Variants in CHD6 observed in about 807,000 individuals in gnomAD.
The protein encoded by CHD6 is ATP-dependent chromatin remodeler CHD6.
CHD6 carries 50 observed loss-of-function variants against 276.9 expected under a neutral mutation model. The observed-to-expected ratio is 0.18, with a 90% confidence interval of 0.14 to 0.23. The LOEUF (loss-of-function observed/expected upper bound fraction) is 0.23. Ranked by LOEUF, CHD6 falls within the 10% of genes least tolerant of loss-of-function variation. The pLI, the probability that CHD6 is intolerant of heterozygous loss-of-function variation, is 1.00. For missense variants in CHD6, 2,564 were observed against 3,365.8 expected (o/e 0.76, Z 5.89); for synonymous variants, 1,173 against 1,229.3 (o/e 0.95, Z 0.96).
At chr20:41,556,345 A>T (rs1409448480) in intron 1 of CHD6, among the ~76,000 whole-genome samples, 124 of 77,372 alleles carry the variant, frequency 1.6e-3, no homozygotes, top group African/African-American at 5.2e-3. Context: ...TTTTTTTTTG[A>T]GACAGTCTCC....
At chr20:41,487,955 G>A in intron 13 of CHD6, 147 bp from the exon 14 acceptor site, 1 of 746,994 alleles carries the variant, frequency 1.3e-6, no homozygotes, top group Non-Finnish European at 2.1e-6. Context: ...CATCATAGGG[G>A]TACAGTCAAT....
rs1486302216 is a variant in CHD6 at position 41,514,792 on chromosome 20, G to C, written c.702+13C>G. The C allele has an allele frequency of 1.2e-6, 2 of 1,612,524 alleles. No homozygotes were observed. The highest frequency in any genetic ancestry group is 2.7e-5 in the African/African-American group (2 of 74,836). The stretch of plus-strand genomic sequence containing the variant: ...GCCGTAATCTCCACCAGGCCTCCCG[G>C]TCACAGCTGTACCTGGCTGTCTGTA... On this transcript the variant is annotated intron_variant, in intron 4 of 36. Transcript: ENST00000373233.
chr20:41,423,392 G>A, intron 30 of CHD6, 100 bp downstream of exon 30: 1 of 1,093,368 alleles, frequency 9.1e-7, no homozygotes, highest in Admixed American at 1.8e-5. Context: ...TCCTCATGTA[G>A]ACTCTAGTTT....
intron 25 of CHD6, among the ~76,000 whole-genome samples, chr20:41,442,492 G>A (rs1276797488): frequency 1.3e-5 from 2 of 152,156 alleles, no homozygotes; most frequent in Admixed American, 1.3e-4. Context: ...GAACAGTCAT[G>A]TGTTTCTTAA....
chr20:41,530,485 G>A (rs191704481), intron 3 of CHD6, among the ~76,000 whole-genome samples: 101 of 152,244 alleles, frequency 6.6e-4, no homozygotes, highest in African/African-American at 2.4e-3. Flanking sequence ...ACACGTACTT[G>A]AGCCAATCTG....
At chr20:41,533,626 G>A (rs1266187489) in intron 2 of CHD6, 56 bp from the exon 3 acceptor site, 3 of 1,455,590 alleles carry the variant, frequency 2.1e-6, no homozygotes, top group Non-Finnish European at 2.8e-6. Context: ...TTCAGACAAA[G>A]AGAGTTACCC....
intron 31 of CHD6, among the ~76,000 whole-genome samples, chr20:41,417,856 C>CCT (rs1395078397): frequency 6.6e-6 from 1 of 152,226 alleles, no homozygotes; most frequent in Admixed American, 6.5e-5. Flanking sequence ...AAACTCAGAA[C>CCT]ATTTCAATTA....
At chr20:41,429,242 T>C (rs902083088) in intron 27 of CHD6, among the ~76,000 whole-genome samples, 3 of 152,224 alleles carry the variant, frequency 2.0e-5, no homozygotes, top group African/African-American at 7.2e-5. Context: ...CTGGCTGTGA[T>C]AGAGAAAGAT....
chr20:41,444,715 C>G (rs907920106), intron 25 of CHD6, among the ~76,000 whole-genome samples: 1 of 151,074 alleles, frequency 6.6e-6, no homozygotes, highest in African/African-American at 2.4e-5. Flanking sequence ...GCACCCAGCA[C>G]CTATTATGTA....
chr20:41,563,370 C>T (rs1453712020), intron 1 of CHD6, among the ~76,000 whole-genome samples: 1 of 152,262 alleles, frequency 6.6e-6, no homozygotes, highest in African/African-American at 2.4e-5. Context: ...TCCTATGTTG[C>T]TATAATTCCT....
In CHD6 at chr20:41,452,987, A is replaced by T; in HGVS notation, c.3121-45T>A. The T allele has an allele frequency of 6.9e-7, 1 of 1,448,012 alleles. No homozygotes were observed. Among genetic ancestry groups the T allele is most frequent in the South Asian group, 1.1e-5 (1 of 87,272 alleles). The allele number at this position is 1,448,012 out of a possible 1,614,324, so 89.7% of individuals were successfully genotyped here. Reference sequence around the variant, plus strand: ...CTGGGAAGAAAGTCCTCTTTTCTCTACTCCTTTCACAAAGCATAAGTGTAT... The same window carrying T: ...CTGGGAAGAAAGTCCTCTTTTCTCTTCTCCTTTCACAAAGCATAAGTGTAT... On this transcript the variant is annotated intron_variant, in intron 20 of 36. Coordinates refer to ENST00000373233, the MANE Select transcript of CHD6 (RefSeq NM_032221.5). The surrounding 1 kb of genome is among the most constrained non-coding windows in gnomAD (Gnocchi z 4.2).
At chr20:41,613,590 GC>G (rs1250054753) in intron 1 of CHD6, among the ~76,000 whole-genome samples, 3 of 152,218 alleles carry the variant, frequency 2.0e-5, no homozygotes, top group African/African-American at 7.2e-5. Context: ...TCTTCCCCAA[GC>G]CCAGGCCAAG....
chr20:41,591,158 C>T (rs1315531675), intron 1 of CHD6, among the ~76,000 whole-genome samples: 9 of 134,496 alleles, frequency 6.7e-5, no homozygotes, highest in African/African-American at 2.5e-4. Flanking sequence ...GGGAATTGAA[C>T]AATGAGAACA....
At chr20:41,469,537 G>A (rs1174785387) in intron 17 of CHD6, among the ~76,000 whole-genome samples, 3 of 152,284 alleles carry the variant, frequency 2.0e-5, no homozygotes, top group Admixed American at 1.3e-4. Context: ...TTTTTCCTTT[G>A]TCTTTCCTTC....
chr20:41,440,463 A>T (rs1395715060), intron 25 of CHD6, among the ~76,000 whole-genome samples: 2 of 152,172 alleles, frequency 1.3e-5, no homozygotes, highest in Non-Finnish European at 2.9e-5. Context: ...ATACCTTGTT[A>T]TATCCTTTAT....
intron 5 of CHD6, among the ~76,000 whole-genome samples, chr20:41,511,026 T>C (rs145204641): frequency 6.6e-6 from 1 of 152,356 alleles, no homozygotes; most frequent in African/African-American, 2.4e-5. Context: ...ACTGCTGCTA[T>C]GTAACTCTGA....
intron 1 of CHD6, among the ~76,000 whole-genome samples, chr20:41,580,092 T>C (rs1174625175): frequency 1.3e-5 from 2 of 152,188 alleles, no homozygotes; most frequent in African/African-American, 4.8e-5. Context: ...CAATTTCCTT[T>C]CAAAACTTAA....
intron 31 of CHD6, among the ~76,000 whole-genome samples, chr20:41,419,773 T>C (rs1470000093): frequency 6.6e-6 from 1 of 151,974 alleles, no homozygotes; most frequent in Non-Finnish European, 1.5e-5. Flanking sequence ...CTGAAAAAAA[T>C]TAAAACTACA....
chr20:41,503,251 C>T (rs1054958043), intron 5 of CHD6, among the ~76,000 whole-genome samples: 14 of 152,102 alleles, frequency 9.2e-5, no homozygotes, highest in African/African-American at 3.4e-4. Context: ...CTTTATGTAT[C>T]CATATTGCAT....
Sources: allele counts gnomAD v4.1 joint callset (sites outside exome capture counted in the v4.1 genomes callset), GRCh38; gene constraint gnomAD v4.1.1; non-coding constraint Gnocchi (gnomAD v3.1); transcripts MANE v1.5; gene names NCBI Gene and HGNC (gene_info 2026-07-23, HGNC 2026-07-21).